SGCG: variants seen among roughly 807,000 people sequenced by gnomAD.
SGCG encodes the protein gamma-sarcoglycan.
SGCG carries 26 observed loss-of-function variants against 29.3 expected under a neutral mutation model. The ratio of observed to expected loss-of-function variants is 0.89; its 90% CI spans 0.65 to 1.23. The LOEUF (loss-of-function observed/expected upper bound fraction) is 1.23. SGCG is among the 50% of genes most tolerant of loss of function. The pLI, the probability that SGCG is intolerant of heterozygous loss-of-function variation, is 0.00. For synonymous variants in SGCG, 145 were observed against 129.7 expected, an observed-to-expected ratio of 1.12 and a Z score of -0.80; for missense variants, 353 against 356.0, an observed-to-expected ratio of 0.99 and a Z score of 0.07.
the SGCG span, among the ~76,000 whole-genome samples, chr13:23,164,623 G>T: frequency 6.6e-6 from 1 of 152,162 alleles, no homozygotes; most frequent in Non-Finnish European, 1.5e-5. Flanking sequence ...TTCCGTTATG[G>T]CAGAAGGGAA....
intron 6 of SGCG, among the ~76,000 whole-genome samples, chr13:23,305,619 C>G (rs909660264): frequency 6.6e-5 from 10 of 152,102 alleles, no homozygotes; most frequent in African/African-American, 2.2e-4. Context: ...GTGGAAATGC[C>G]TCTGGTATTT....
the SGCG span, among the ~76,000 whole-genome samples, chr13:23,167,177 C>G: frequency 1.3e-5 from 2 of 152,192 alleles, no homozygotes; most frequent in Non-Finnish European, 2.9e-5. Flanking sequence ...TGGCTTATTT[C>G]ACTTAACATA....
chr13:23,277,395 A>G (rs1881118971), intron 4 of SGCG, among the ~76,000 whole-genome samples: 1 of 146,308 alleles, frequency 6.8e-6, no homozygotes, highest in African/African-American at 2.5e-5. Flanking sequence ...CAAATACCAA[A>G]AAATAAAGTG....
rs1012727987 is a variant in SGCG, at chr13:23,285,247, G to A, written c.505+5769G>A. Among the ~76,000 whole-genome samples, 36 of 152,316 alleles carry A rather than the reference G, an allele frequency of 2.4e-4. 1 individual carries two copies. Among genetic ancestry groups the A allele is most frequent in the Admixed American group, 2.4e-3 (36 of 15,306 alleles). On this transcript the variant is annotated intron_variant, in intron 5 of 7. Transcript: ENST00000218867. ...CCCAGGTGCTGTCCCAGGGAGATGG[G>A]AGTTTTATCTATAACTCCCTGACTG...
At chr13:23,254,241 T>C (rs1880092255) in intron 4 of SGCG, among the ~76,000 whole-genome samples, 1 of 152,120 alleles carries the variant, frequency 6.6e-6, no homozygotes, top group Non-Finnish European at 1.5e-5. Context: ...GTGACCAAAA[T>C]GCTGTTAGAA....
chr13:23,208,883 A>G (rs969536426), intron 2 of SGCG, among the ~76,000 whole-genome samples: 2 of 152,156 alleles, frequency 1.3e-5, no homozygotes, highest in Admixed American at 6.5e-5. Context: ...TCATGAGTAT[A>G]GAATAATATA....
At chr13:23,177,690 G>A (rs879935924), upstream of SGCG, among the ~76,000 whole-genome samples, 4 of 148,352 alleles carry the variant, frequency 2.7e-5, no homozygotes, top group Non-Finnish European at 5.9e-5. Flanking sequence ...TCCTGCCTCA[G>A]CCTCCCAAGT....
intron 3 of SGCG, among the ~76,000 whole-genome samples, chr13:23,248,997 G>GAAAAAAAA (rs147956071): frequency 8.9e-6 from 1 of 112,880 alleles, no homozygotes. Context: ...TCACAGAAAA[G>GAAAAAAAA]AAAAAAAAAA....
intron 2 of SGCG, among the ~76,000 whole-genome samples, chr13:23,215,502 G>T (rs1056286690): frequency 3.3e-5 from 5 of 152,096 alleles, no homozygotes; most frequent in Admixed American, 2.0e-4. Context: ...TGTTCAATCT[G>T]TGATTCTCCC....
At chr13:23,185,425 C>T (rs1876931884) in intron 1 of SGCG, among the ~76,000 whole-genome samples, 1 of 152,146 alleles carries the variant, frequency 6.6e-6, no homozygotes, top group Non-Finnish European at 1.5e-5. Flanking sequence ...CTCCTGACCT[C>T]GTGATCTGCT....
chr13:23,296,061 G>A (rs1053028386), intron 6 of SGCG, among the ~76,000 whole-genome samples: 1 of 152,240 alleles, frequency 6.6e-6, no homozygotes, highest in East Asian at 1.9e-4. Context: ...AGATGCTACA[G>A]GTTTATGATT....
chr13:23,285,187 A>G (rs529479434), intron 5 of SGCG, among the ~76,000 whole-genome samples: 14 of 152,296 alleles, frequency 9.2e-5, no homozygotes, highest in African/African-American at 3.1e-4. Flanking sequence ...GGAACATTTA[A>G]GTCTGCTGAA....
the SGCG span, among the ~76,000 whole-genome samples, chr13:23,163,734 C>T: frequency 1.3e-5 from 2 of 151,972 alleles, no homozygotes; most frequent in Admixed American, 1.3e-4. Flanking sequence ...TTTTTCAAAA[C>T]TAAGATATAG....
chr13:23,296,173 A>G (rs1181457259), intron 6 of SGCG, among the ~76,000 whole-genome samples: 1 of 152,236 alleles, frequency 6.6e-6, no homozygotes, highest in Non-Finnish European at 1.5e-5. Context: ...TATATATATT[A>G]CATTATCCAT....
intron 4 of SGCG, among the ~76,000 whole-genome samples, chr13:23,251,290 A>G (rs1461051730): frequency 6.6e-6 from 1 of 152,176 alleles, no homozygotes; most frequent in Non-Finnish European, 1.5e-5. Flanking sequence ...CTAAATCCAC[A>G]AAGTACTCTA....
the SGCG span, among the ~76,000 whole-genome samples, chr13:23,167,919 G>A: frequency 1.3e-5 from 2 of 152,058 alleles, no homozygotes; most frequent in Admixed American, 6.6e-5. Flanking sequence ...TTTTAGTAGA[G>A]ACGAGGTTTC....
Position 23,320,624 on chromosome 13 carries a change from T to TTTTC in SGCG, c.579-12_579-11insTTCT. 1 of 1,554,266 alleles carries TTTTC rather than the reference T, an allele frequency of 6.4e-7. No homozygotes were observed. ...TTTTTTTTTTTTTTTTGTGCTTCTT[T>TTTTC]TCCTCATCTCAGATTAGAATCCCCC... On this transcript the variant is annotated splice_polypyrimidine_tract_variant and intron_variant, in intron 6 of 7. Coordinates refer to ENST00000218867, the MANE Select transcript of SGCG (RefSeq NM_000231.3).
chr13:23,301,748 A>T (rs1174267919), intron 6 of SGCG, among the ~76,000 whole-genome samples: 1 of 152,052 alleles, frequency 6.6e-6, no homozygotes, highest in African/African-American at 2.4e-5. Flanking sequence ...TTAGCCAGGC[A>T]TACATAGTGG....
chr13:23,201,815 CTG>C (rs1877779981), intron 1 of SGCG, among the ~76,000 whole-genome samples: 1 of 152,150 alleles, frequency 6.6e-6, no homozygotes, highest in Non-Finnish European at 1.5e-5. Context: ...TATTGTAAGT[CTG>C]TGCTTGCTTT....
Sources: allele counts gnomAD v4.1 joint callset (sites outside exome capture counted in the v4.1 genomes callset), GRCh38; gene constraint gnomAD v4.1.1; transcripts MANE v1.5; gene names NCBI Gene and HGNC (gene_info 2026-07-23, HGNC 2026-07-21).